Variants in ARHGDIB observed in about 807,000 individuals in gnomAD.
ARHGDIB encodes the protein Rho GDP dissociation inhibitor beta, also known as rho GDP-dissociation inhibitor 2.
Under a neutral mutation model 22.6 loss-of-function variants are expected in ARHGDIB, and 20 were observed. The ratio of observed to expected loss-of-function variants is 0.88; its 90% CI spans 0.62 to 1.28. The LOEUF is 1.28. Among genes scored for constraint, ARHGDIB ranks in the 50% most tolerant of loss-of-function variants. The pLI, the probability that ARHGDIB is intolerant of heterozygous loss-of-function variation, is 0.00. For missense variants in ARHGDIB, 254 were observed against 245.4 expected, an observed-to-expected ratio of 1.04 and a Z score of -0.23; for synonymous variants, 114 against 96.1, an observed-to-expected ratio of 1.19 and a Z score of -1.09.
chr12:14,958,877 C>T (rs563919152), intron 1 of ARHGDIB, among the ~76,000 whole-genome samples: 4 of 152,284 alleles, frequency 2.6e-5, no homozygotes, highest in Admixed American at 2.0e-4. Context: ...ATGTTGCTGA[C>T]GTTTCAGGGG....
chr12:14,942,779 G>T, intron 5 of ARHGDIB, 58 bp from the exon 6 acceptor site: 1 of 1,439,632 alleles, frequency 6.9e-7, no homozygotes, highest in Non-Finnish European at 9.7e-7. Context: ...AACATACACT[G>T]CAAACTGGAG....
At chr12:14,961,354 C>G (rs530906618) in intron 1 of ARHGDIB, 183 bp downstream of exon 1, 2 of 152,250 alleles carry the variant, frequency 1.3e-5, no homozygotes. Flanking sequence ...GCTACCCTTC[C>G]CTCCTCTAAC....
chr12:14,960,737 A>T (rs536797758), intron 1 of ARHGDIB, among the ~76,000 whole-genome samples: 1 of 152,300 alleles, frequency 6.6e-6, no homozygotes, highest in African/African-American at 2.4e-5. Flanking sequence ...TCCTGACCTC[A>T]GGTGATCTAC....
chr12:14,957,246 A>G (rs895966743), intron 1 of ARHGDIB, among the ~76,000 whole-genome samples: 3 of 152,206 alleles, frequency 2.0e-5, no homozygotes, highest in African/African-American at 7.2e-5. Context: ...CGGGGTTGAA[A>G]GATTGGAGAA....
At chr12:14,960,655 C>A (rs764180445) in intron 1 of ARHGDIB, among the ~76,000 whole-genome samples, 1 of 152,152 alleles carries the variant, frequency 6.6e-6, no homozygotes, top group Admixed American at 6.5e-5. Flanking sequence ...AGGGATGCAC[C>A]ACCACACCCA....
chr12:14,954,819 C>T (rs1864265135), intron 1 of ARHGDIB, among the ~76,000 whole-genome samples: 1 of 152,112 alleles, frequency 6.6e-6, no homozygotes, highest in African/African-American at 2.4e-5. Context: ...AGTGAGTAGA[C>T]ATTAGCTGCT....
At chr12:14,944,909 A>G in intron 4 of ARHGDIB, 70 bp from the exon 5 acceptor site, 2 of 1,364,022 alleles carry the variant, frequency 1.5e-6, no homozygotes, top group Non-Finnish European at 1.0e-6. Context: ...TTTCATGCTG[A>G]TCCTGCCTAG....
intron 3 of ARHGDIB, 56 bp downstream of exon 3, chr12:14,949,746 A>G (rs1315391962): frequency 1.4e-5 from 21 of 1,545,634 alleles, no homozygotes; most frequent in African/African-American, 6.8e-5. Context: ...ACAGAGACCA[A>G]GTTTTCTTTG....
intron 1 of ARHGDIB, among the ~76,000 whole-genome samples, chr12:14,953,891 C>T (rs1864239768): frequency 6.6e-6 from 1 of 151,490 alleles, no homozygotes; most frequent in Admixed American, 6.6e-5. Context: ...TTGTCTCTCT[C>T]TCTCCCTTCT....
At chr12:14,945,288 T>C (rs1863986092) in intron 4 of ARHGDIB, among the ~76,000 whole-genome samples, 1 of 152,216 alleles carries the variant, frequency 6.6e-6, no homozygotes, top group Non-Finnish European at 1.5e-5. Context: ...ATGATCCACT[T>C]ACCATATAAA....
At position 14,949,839 on chromosome 12, in the gene ARHGDIB, A is replaced by G; in HGVS notation, c.228T>C (p.Cys76=). ...TGGTGATTGGTCCCGGGGCACTCTC[A>G]CAAACCAGGGTGAGCCGGGTGACAA... ...NVVVTRLTLV[C]ESAPGPITMD... Residue 76 remains cysteine (C), a synonymous_variant, in exon 3 of 6, where the codon TGT becomes TGC. Transcript: ENST00000228945. The G allele has an allele frequency of 1.9e-6, 3 of 1,613,748 alleles. No individual in the cohort carries two copies. The highest frequency in any genetic ancestry group is 2.5e-6 in the Non-Finnish European group (3 of 1,179,752).
chr12:14,953,272 T>C (rs1352606662), intron 1 of ARHGDIB, among the ~76,000 whole-genome samples: 1 of 152,166 alleles, frequency 6.6e-6, no homozygotes, highest in African/African-American at 2.4e-5. Context: ...AATCATTTGG[T>C]TTAATTATAG....
In ARHGDIB at chr12:14,947,897, T is replaced by G; in HGVS notation, c.318A>C (p.Glu106Asp). The change falls in exon 4 of 6, where the codon GAA (glutamate) becomes GAC (aspartate). Residue 106 changes from glutamate (E) to aspartate (D), a missense_variant. Transcript: ENST00000228945. Reference protein sequence around the residue: ...KETIVLKEGSEYRVKIHFKVN... With the variant: ...KETIVLKEGSDYRVKIHFKVN... ...CTTTGAAGTGAATTTTGACTCTATA[T>G]TCAGAACCTTCCTTTAACACAATGG... The G allele has an allele frequency of 6.2e-7, 1 of 1,613,142 alleles. No homozygotes were observed. The highest frequency in any genetic ancestry group is 8.5e-7 in the Non-Finnish European group (1 of 1,179,104).
chr12:14,951,971 G>A (rs1340455604), intron 1 of ARHGDIB, among the ~76,000 whole-genome samples: 1 of 152,112 alleles, frequency 6.6e-6, no homozygotes, highest in Admixed American at 6.5e-5. Flanking sequence ...ACAGCCACAT[G>A]AGATGGCTGC....
At chr12:14,947,209 A>G (rs1466831464) in intron 4 of ARHGDIB, among the ~76,000 whole-genome samples, 1 of 152,232 alleles carries the variant, frequency 6.6e-6, no homozygotes, top group Non-Finnish European at 1.5e-5. Context: ...TTTCAAAGTC[A>G]AAGTTATTTT....
At chr12:14,948,098 TTG>T (rs1491341497) in intron 3 of ARHGDIB, 149 bp from the exon 4 acceptor site, 2 of 349,144 alleles carry the variant, frequency 5.7e-6, no homozygotes, top group Non-Finnish European at 1.1e-5. Context: ...AGTTTAGTCC[TTG>T]CACACACACA....
At chr12:14,956,874 C>T (rs1199067783) in intron 1 of ARHGDIB, among the ~76,000 whole-genome samples, 2 of 152,204 alleles carry the variant, frequency 1.3e-5, no homozygotes, top group Admixed American at 1.3e-4. Context: ...TGGTTACTCA[C>T]AGCATGCATA....
chr12:14,959,216 C>T (rs1180711145), intron 1 of ARHGDIB, among the ~76,000 whole-genome samples: 1 of 152,108 alleles, frequency 6.6e-6, no homozygotes, highest in Non-Finnish European at 1.5e-5. Context: ...CCCAGGAATT[C>T]AAGACCAGCC....
intron 2 of ARHGDIB, 29 bp from the exon 3 acceptor site, chr12:14,949,914 C>G (rs750885154): frequency 3.8e-6 from 6 of 1,594,212 alleles, no homozygotes; most frequent in East Asian, 4.5e-5. Context: ...ATGTAAGTAC[C>G]AAGAAGAGAC....
Sources: allele counts gnomAD v4.1 joint callset (sites outside exome capture counted in the v4.1 genomes callset), GRCh38; gene constraint gnomAD v4.1.1; transcripts MANE v1.5; gene names NCBI Gene and HGNC (gene_info 2026-07-23, HGNC 2026-07-21).